RAB3C: variants seen among roughly 807,000 people sequenced by gnomAD.
The protein encoded by RAB3C is RAB3C, member RAS oncogene family.
RAB3C carries 17 observed loss-of-function variants against 26.4 expected under a neutral mutation model. That is an observed-to-expected ratio of 0.64 (90% CI 0.44 to 0.97). The LOEUF (loss-of-function observed/expected upper bound fraction) is 0.97, where lower values mean the gene tolerates loss of function less well. RAB3C is among the 50% of genes least tolerant of loss of function. The pLI is 0.00. For synonymous variants in RAB3C, 91 were observed against 95.9 expected, an observed-to-expected ratio of 0.95 and a Z score of 0.30; for missense variants, 242 against 281.9, an observed-to-expected ratio of 0.86 and a Z score of 1.01.
intron 2 of RAB3C, among the ~76,000 whole-genome samples, chr5:58,661,773 C>T (rs574524750): frequency 3.4e-5 from 5 of 148,936 alleles, no homozygotes; most frequent in Non-Finnish European, 7.4e-5. Context: ...CCTGTCTTAC[C>T]TCCCTTTTCC....
chr5:58,838,445 C>A (rs926772152), intron 4 of RAB3C, among the ~76,000 whole-genome samples: 1 of 151,290 alleles, frequency 6.6e-6, no homozygotes, highest in South Asian at 2.1e-4. Context: ...TTTCTTTCTT[C>A]ACCCACTTGT....
At chr5:58,772,545 G>A (rs960889221) in intron 3 of RAB3C, among the ~76,000 whole-genome samples, 3 of 152,138 alleles carry the variant, frequency 2.0e-5, no homozygotes, top group Non-Finnish European at 4.4e-5. Flanking sequence ...CAAGTCCCTG[G>A]AGAATGTTCT....
chr5:58,587,327 C>T (rs140334009), intron 1 of RAB3C, among the ~76,000 whole-genome samples: 1 of 152,178 alleles, frequency 6.6e-6, no homozygotes, highest in East Asian at 1.9e-4. Flanking sequence ...ACTACTCTTG[C>T]CCACTCAACT....
chr5:58,750,230 A>G (rs1327693872), intron 3 of RAB3C, among the ~76,000 whole-genome samples: 1 of 152,214 alleles, frequency 6.6e-6, no homozygotes, highest in Non-Finnish European at 1.5e-5. Context: ...CAAGGGACCA[A>G]TTCTCAACAG....
rs990890087 is a variant in RAB3C at position 58,854,585 on chromosome 5, G to GC, written c.*3239dup. On this transcript the variant is annotated 3_prime_UTR_variant, in exon 5 of 5. Coordinates refer to ENST00000282878, the MANE Select transcript of RAB3C (RefSeq NM_138453.4). Reference sequence around the variant, plus strand: ...GACAATGAATCAGTTCATTGTTGCTGCCCCCAGTGAACAGCTCCAACTGCC... The same window carrying GC: ...GACAATGAATCAGTTCATTGTTGCTGCCCCCCAGTGAACAGCTCCAACTGCC... 2 of 152,170 alleles carry GC rather than the reference G, an allele frequency of 1.3e-5. No individual in the cohort carries two copies. Among genetic ancestry groups the GC allele is most frequent in the African/African-American group, 2.4e-5 (1 of 41,436 alleles). The allele number at this position is 152,170 out of a possible 1,614,324, so 9.4% of individuals were successfully genotyped here. A position where few individuals can be genotyped will look rare whatever the true frequency, so the allele number is the denominator to read the frequency against.
intron 2 of RAB3C, among the ~76,000 whole-genome samples, chr5:58,703,616 C>T (rs563912304): frequency 5.9e-5 from 9 of 152,214 alleles, no homozygotes; most frequent in Admixed American, 5.9e-4. Flanking sequence ...TTACTTTTTT[C>T]AAGCTACTAG....
chr5:58,591,656 A>C (rs935743917), intron 1 of RAB3C, among the ~76,000 whole-genome samples: 11 of 149,582 alleles, frequency 7.4e-5, no homozygotes, highest in African/African-American at 2.7e-4. Flanking sequence ...TAAAGTGTGA[A>C]TCTTGTGGTC....
intron 2 of RAB3C, among the ~76,000 whole-genome samples, chr5:58,654,304 G>A (rs1347901046): frequency 1.3e-5 from 2 of 152,112 alleles, no homozygotes; most frequent in African/African-American, 4.8e-5. Context: ...CTTGGTAGAG[G>A]ATTTATGGAT....
rs1431521394 is a variant in RAB3C at position 58,617,647 on chromosome 5, C to T, written c.29C>T (p.Ala10Val). 6.2e-7 allele frequency: 1 copy of T among 1,611,410 alleles called. No individual in the cohort carries two copies. Among genetic ancestry groups the T allele is most frequent in the African/African-American group, 1.3e-5 (1 of 74,850 alleles). ...TTTGTTTTGTTTTTATCACAGATGG[C>T]CTCTGCCCAAGATGCCAGGTACGGC... MRHEAPMQM[A>V]SAQDARYGQK... The change falls in exon 2 of 5, where the codon GCC becomes GTC. Residue 10 changes from alanine to valine, a missense_variant. Coordinates refer to ENST00000282878, the MANE Select transcript of RAB3C (RefSeq NM_138453.4).
chr5:58,727,956 C>T (rs1360984285), intron 3 of RAB3C, among the ~76,000 whole-genome samples: 8 of 151,934 alleles, frequency 5.3e-5, no homozygotes, highest in African/African-American at 1.9e-4. Context: ...CAAACTAAAC[C>T]ATTCATTGTT....
At chr5:58,711,620 C>T (rs1361872252) in intron 2 of RAB3C, among the ~76,000 whole-genome samples, 1 of 152,076 alleles carries the variant, frequency 6.6e-6, no homozygotes, top group African/African-American at 2.4e-5. Flanking sequence ...GCACAAGAAG[C>T]ATTACATACG....
At chr5:58,737,561 G>C (rs955396392) in intron 3 of RAB3C, among the ~76,000 whole-genome samples, 1 of 151,248 alleles carries the variant, frequency 6.6e-6, no homozygotes, top group East Asian at 1.9e-4. Flanking sequence ...GCCTAGAATA[G>C]TCCCTGGCAT....
intron 1 of RAB3C, among the ~76,000 whole-genome samples, chr5:58,602,045 G>A (rs996641533): frequency 1.3e-5 from 2 of 151,880 alleles, no homozygotes; most frequent in African/African-American, 4.8e-5. Context: ...TTGATAGGTT[G>A]TGTCATTATT....
Position 58,597,185 on chromosome 5 carries a change from TATATTATATAATAATATATACTACATAA to T in RAB3C, c.24+13967_24+13994del, listed in dbSNP as rs1561260718. ...TTATATAATAATATATACTACATAATATATTATATAATAATATATACTACATAAATATTATATAATATATACTACACAA... is the reference window on the plus strand; with the variant it reads ...TTATATAATAATATATACTACATAATATATTATATAATATATACTACACAA... On this transcript the variant is annotated intron_variant, in intron 1 of 4. Transcript: ENST00000282878. 4.4e-4 allele frequency among the ~76,000 whole-genome samples: 42 copies of T among 95,244 alleles called. 1 individual carries two copies. Among genetic ancestry groups the T allele is most frequent in the South Asian group, 1.0e-3 (3 of 2,960 alleles). The allele number at this position is 95,244 out of a possible 152,430, so 62.5% of individuals were successfully genotyped here. A position where few individuals can be genotyped will look rare whatever the true frequency, so the allele number is the denominator to read the frequency against.
intron 3 of RAB3C, among the ~76,000 whole-genome samples, chr5:58,728,306 G>A (rs1740932978): frequency 6.6e-6 from 1 of 152,004 alleles, no homozygotes; most frequent in Non-Finnish European, 1.5e-5. Flanking sequence ...GTTATCTGAT[G>A]TAGAAATATG....
At chr5:58,840,103 G>A (rs530446625) in intron 4 of RAB3C, among the ~76,000 whole-genome samples, 13 of 151,780 alleles carry the variant, frequency 8.6e-5, no homozygotes, top group South Asian at 2.1e-4. Context: ...CCAAAACACT[G>A]AAAATATAAA....
intron 3 of RAB3C, among the ~76,000 whole-genome samples, chr5:58,740,690 C>T (rs572991327): frequency 3.9e-5 from 6 of 152,092 alleles, no homozygotes; most frequent in East Asian, 3.9e-4. Context: ...TGTGGTGGCA[C>T]GCACCCATAG....
chr5:58,750,593 A>G (rs1011332223), intron 3 of RAB3C, among the ~76,000 whole-genome samples: 2 of 152,238 alleles, frequency 1.3e-5, no homozygotes, highest in African/African-American at 4.8e-5. Context: ...GTTTTGAAAT[A>G]GAAGAAAAGA....
At chr5:58,785,799 T>A (rs1023545521) in intron 3 of RAB3C, among the ~76,000 whole-genome samples, 1 of 152,270 alleles carries the variant, frequency 6.6e-6, no homozygotes, top group Non-Finnish European at 1.5e-5. Context: ...CAAAATAGAT[T>A]ACCCTGGATT....
Sources: gnomAD v4.1 joint callset for allele counts (sites outside exome capture counted in the v4.1 genomes callset) on GRCh38, gnomAD v4.1.1 for gene constraint, MANE v1.5 for transcripts, NCBI Gene and HGNC (gene_info 2026-07-23, HGNC 2026-07-21) for gene names.